The following GMPR variants were observed in gnomAD, a reference collection of about 807,000 sequenced individuals.
The protein encoded by GMPR is guanosine monophosphate reductase, also known as GMP reductase 1.
GMPR carries 31 observed loss-of-function variants against 38.4 expected under a neutral mutation model. The observed-to-expected ratio is 0.81, with a 90% CI of 0.61 to 1.09. The LOEUF (loss-of-function observed/expected upper bound fraction) is 1.09, where lower values mean the gene tolerates loss of function less well. Among genes scored for constraint, GMPR ranks in the 50% least tolerant of loss-of-function variants. The probability of loss-of-function intolerance (pLI) is 0.00; values close to 1 mark genes in which losing one functional copy is unlikely to be tolerated. For synonymous variants in GMPR, 162 were observed against 173.3 expected (o/e 0.93, Z 0.51); for missense variants, 468 against 453.7 (o/e 1.03, Z -0.29).
Position 16,254,456 on chromosome 6 carries a change from C to T in GMPR, c.292-106C>T, listed in dbSNP as rs532692152. The stretch of plus-strand genomic sequence containing the variant: ...CACTGTGCATTTGATTAGGGTAGAC[C>T]GAAAAGGGTTGTTGTACTGTCCCAG... On this transcript the variant is annotated intron_variant, in intron 3 of 8. Coordinates refer to ENST00000259727, the MANE Select transcript of GMPR (RefSeq NM_006877.4). 5.4e-5 allele frequency: 49 copies of T among 915,018 alleles called. No homozygotes were observed. The East Asian group carries it at 5.6e-4, about 10-fold the overall frequency. The allele number at this position is 915,018 out of a possible 1,614,324, so 56.7% of individuals were successfully genotyped here.
intron 7 of GMPR, among the ~76,000 whole-genome samples, chr6:16,287,301 G>T (rs1046936560): frequency 6.6e-6 from 1 of 152,234 alleles, no homozygotes; most frequent in Non-Finnish European, 1.5e-5. Context: ...ACAGGTGGTG[G>T]TCCATCTTGG....
chr6:16,256,554 G>C (rs1758982331), intron 4 of GMPR, among the ~76,000 whole-genome samples: 1 of 147,148 alleles, frequency 6.8e-6, no homozygotes, highest in Non-Finnish European at 1.5e-5. Flanking sequence ...AAAAAAAAGA[G>C]TTGTTCCAAG....
intron 3 of GMPR, among the ~76,000 whole-genome samples, chr6:16,253,892 T>A (rs548677916): frequency 2.0e-5 from 3 of 152,056 alleles, no homozygotes; most frequent in African/African-American, 7.2e-5. Flanking sequence ...TTCCCTGATA[T>A]GACACAATCA....
chr6:16,261,197 G>A (rs1759077944), intron 4 of GMPR, among the ~76,000 whole-genome samples: 1 of 152,024 alleles, frequency 6.6e-6, no homozygotes, highest in Non-Finnish European at 1.5e-5. Flanking sequence ...TGCCTAGGAA[G>A]GAAAGGAGTT....
In GMPR at chr6:16,281,560, C is replaced by T. The variant is rs143091390; in HGVS notation, c.654+2670C>T. The stretch of plus-strand genomic sequence containing the variant: ...TTGCTGTATCGCCCAGGCTGGAGTG[C>T]AGTGGCATGATCTCAGCTCCCTGCT... On this transcript the variant is annotated intron_variant, in intron 6 of 8. Transcript: ENST00000259727. Among the ~76,000 whole-genome samples, 517 of 152,074 alleles carry T rather than the reference C, an allele frequency of 3.4e-3. 4 individuals are homozygous for T. Among genetic ancestry groups the T allele is most frequent in the African/African-American group, 0.012 (488 of 41,468 alleles).
intron 1 of GMPR, among the ~76,000 whole-genome samples, chr6:16,240,313 T>C (rs1425950694): frequency 6.6e-6 from 1 of 152,134 alleles, no homozygotes; most frequent in East Asian, 1.9e-4. Flanking sequence ...GGTGGAAGGA[T>C]TGCTTGAGGC....
At chr6:16,280,594 C>T (rs755236367) in intron 6 of GMPR, among the ~76,000 whole-genome samples, 9 of 152,166 alleles carry the variant, frequency 5.9e-5, no homozygotes, top group Non-Finnish European at 1.2e-4. Flanking sequence ...ATTCAACTCA[C>T]GGGAGCGGCC....
At chr6:16,239,371 G>GT (rs1758601088) in intron 1 of GMPR, among the ~76,000 whole-genome samples, 1 of 152,192 alleles carries the variant, frequency 6.6e-6, no homozygotes, top group Non-Finnish European at 1.5e-5. Flanking sequence ...CTGGAGAAGA[G>GT]TTTCGAAAGC....
chr6:16,292,918 A>G (rs886924817), intron 8 of GMPR, among the ~76,000 whole-genome samples: 3 of 152,232 alleles, frequency 2.0e-5, no homozygotes, highest in African/African-American at 7.2e-5. Flanking sequence ...AGTGGATTCA[A>G]ATCTTTAACA....
chr6:16,253,801 A>G (rs1285762257), intron 3 of GMPR, among the ~76,000 whole-genome samples: 1 of 152,222 alleles, frequency 6.6e-6, no homozygotes, highest in East Asian at 1.9e-4. Context: ...CACAGCTTTC[A>G]TGTGGGGAAG....
At chr6:16,265,791 C>T (rs912750311) in intron 4 of GMPR, among the ~76,000 whole-genome samples, 5 of 152,224 alleles carry the variant, frequency 3.3e-5, no homozygotes, top group South Asian at 2.1e-4. Context: ...CTGGAGCCAG[C>T]CCGGATAACC....
At chr6:16,282,923 C>A (rs936124080) in intron 6 of GMPR, among the ~76,000 whole-genome samples, 8 of 152,030 alleles carry the variant, frequency 5.3e-5, no homozygotes, top group Non-Finnish European at 2.9e-5. Context: ...ATAGTCCTGC[C>A]TCAGCCTCCC....
Position 16,249,700 on chromosome 6 carries a change from A to G in GMPR, c.208-584A>G, listed in dbSNP as rs1457859629. ...AAAGTTGTTCCAAAAATTAAATGAA[A>G]CGACTGACACAAAGCGGGTCATAAA... is the stretch of plus-strand genomic sequence containing the variant. On this transcript the variant is annotated intron_variant, in intron 2 of 8. Coordinates refer to ENST00000259727, the MANE Select transcript of GMPR (RefSeq NM_006877.4). 1.3e-5 allele frequency among the ~76,000 whole-genome samples: 2 copies of G among 152,230 alleles called. 1 individual carries two copies. Among genetic ancestry groups the G allele is most frequent in the African/African-American group, 4.8e-5 (2 of 41,464 alleles).
chr6:16,257,742 C>G (rs573778178), intron 4 of GMPR, among the ~76,000 whole-genome samples: 1 of 152,310 alleles, frequency 6.6e-6, no homozygotes, highest in South Asian at 2.1e-4. Context: ...GTGGTGCTTT[C>G]TTGCTGCATC....
Position 16,290,572 on chromosome 6 carries a change from A to T in GMPR, c.808A>T (p.Ser270Cys). 6.2e-7 allele frequency: 1 copy of T among 1,614,152 alleles called. No homozygotes were observed. The highest frequency in any genetic ancestry group is 1.3e-5 in the African/African-American group (1 of 75,024). The change falls in exon 8 of 9, where the codon AGC becomes TGC. Residue 270 changes from serine to cysteine, a missense_variant. By Grantham distance (112) the Ser-to-Cys change is moderately radical. Transcript: ENST00000259727. ...GRKLKLFYGMSSDTAMNKHAG... is the reference protein window; with the variant it reads ...GRKLKLFYGMCSDTAMNKHAG... ...GAAGCTCAAGCTCTTCTACGGGATGAGCTCTGACACCGCCATGAACAAGCA... is the reference window on the plus strand; with the variant it reads ...GAAGCTCAAGCTCTTCTACGGGATGTGCTCTGACACCGCCATGAACAAGCA...
chr6:16,263,878 T>C (rs997454749), intron 4 of GMPR, among the ~76,000 whole-genome samples: 1 of 151,184 alleles, frequency 6.6e-6, no homozygotes, highest in African/African-American at 2.4e-5. Context: ...ATATAAGAGG[T>C]TGGGGTACAT....
chr6:16,293,286 C>T (rs981856806), intron 8 of GMPR, among the ~76,000 whole-genome samples: 1 of 152,160 alleles, frequency 6.6e-6, no homozygotes, highest in Non-Finnish European at 1.5e-5. Flanking sequence ...TAGAAATTTC[C>T]AAGAAGCCCC....
intron 4 of GMPR, among the ~76,000 whole-genome samples, chr6:16,266,380 C>T (rs1471814349): frequency 2.9e-5 from 3 of 101,738 alleles, no homozygotes; most frequent in Non-Finnish European, 5.6e-5. Flanking sequence ...AAAAAGGTGG[C>T]ACGTCGGACG....
In GMPR at chr6:16,287,659, G is replaced by C. The variant is rs575015578; in HGVS notation, c.697+1824G>C. On this transcript the variant is annotated intron_variant, in intron 7 of 8. Transcript: ENST00000259727. ...TTTGCAGCTGCCGCAGAGGTGCTGTGCTCCTGAATTGTCAAGAATCCTGGC... is the reference window on the plus strand; with the variant it reads ...TTTGCAGCTGCCGCAGAGGTGCTGTCCTCCTGAATTGTCAAGAATCCTGGC... Among the ~76,000 whole-genome samples the C allele has an allele frequency of 2.6e-5, 4 of 152,312 alleles. No individual in the cohort carries two copies. The South Asian group carries it at 8.3e-4, about 32-fold the overall frequency.
Sources: gnomAD v4.1 joint callset for allele counts (sites outside exome capture counted in the v4.1 genomes callset) on GRCh38, gnomAD v4.1.1 for gene constraint, MANE v1.5 for transcripts, NCBI Gene and HGNC (gene_info 2026-07-23, HGNC 2026-07-21) for gene names.